The following SYT9 variants were observed in gnomAD, a reference collection of about 807,000 sequenced individuals.
SYT9 encodes the protein synaptotagmin-9.
SYT9 carries 22 observed loss-of-function variants against 48.4 expected under a neutral mutation model. The ratio of observed to expected loss-of-function variants is 0.45; its 90% CI spans 0.32 to 0.65. The LOEUF (loss-of-function observed/expected upper bound fraction) is 0.65. SYT9 is among the 30% of genes least tolerant of loss of function. The pLI is 0.03. For missense variants in SYT9, 577 were observed against 622.0 expected, an observed-to-expected ratio of 0.93 and a Z score of 0.77; for synonymous variants, 265 against 245.0, an observed-to-expected ratio of 1.08 and a Z score of -0.76.
rs80276069 is a variant in SYT9, at chr11:7,239,101, T to C, written c.49+185T>C. ...CCAGGATATTCTTTCATACATTTTG[T>C]TTAAACTATCTAGTGAGCTCTCTTA... On this transcript the variant is annotated intron_variant and NMD_transcript_variant, in intron 1 of 8. Transcript: ENST00000524820. Among the ~76,000 whole-genome samples the C allele has an allele frequency of 2.0e-4, 31 of 152,262 alleles. No individual in the cohort carries two copies. In the East Asian group the frequency reaches 5.8e-3, roughly 28 times the overall value.
At chr11:7,260,188 A>G (rs1848052233) in intron 1 of SYT9, among the ~76,000 whole-genome samples, 1 of 152,198 alleles carries the variant, frequency 6.6e-6, no homozygotes, top group South Asian at 2.1e-4. Context: ...TACTGCCTCT[A>G]TGGAATTGAC....
intron 6 of SYT9, among the ~76,000 whole-genome samples, chr11:7,442,907 A>C (rs530722576): frequency 6.6e-6 from 1 of 152,202 alleles, no homozygotes; most frequent in East Asian, 1.9e-4. Flanking sequence ...GACACTGAGG[A>C]TTCAGTGATA....
chr11:7,403,462 G>A (rs1030718589), intron 3 of SYT9, among the ~76,000 whole-genome samples: 3 of 152,118 alleles, frequency 2.0e-5, no homozygotes, highest in East Asian at 1.9e-4. Context: ...TAAGGTGGGA[G>A]GATCTCTTGA....
intron 1 of SYT9, among the ~76,000 whole-genome samples, chr11:7,275,413 A>C (rs1188586036): frequency 1.3e-5 from 2 of 152,200 alleles, no homozygotes; most frequent in African/African-American, 4.8e-5. Flanking sequence ...AGTGGTTGGA[A>C]TCCTGCTGTG....
chr11:7,433,177 T>C (rs573648849), intron 6 of SYT9, among the ~76,000 whole-genome samples: 2 of 152,266 alleles, frequency 1.3e-5, no homozygotes, highest in East Asian at 3.9e-4. Flanking sequence ...CTATTTGCCT[T>C]CTGCCATAAG....
chr11:7,286,671 G>T (rs987066377), intron 1 of SYT9, among the ~76,000 whole-genome samples: 1 of 151,996 alleles, frequency 6.6e-6, no homozygotes, highest in South Asian at 2.1e-4. Flanking sequence ...TGAACACTTC[G>T]CCACTTAGAT....
At chr11:7,324,240 C>A (rs1589945750) in intron 3 of SYT9, among the ~76,000 whole-genome samples, 1 of 151,612 alleles carries the variant, frequency 6.6e-6, no homozygotes, top group East Asian at 1.9e-4. Flanking sequence ...CTTCTTATTT[C>A]TGCCTTATTT....
intron 3 of SYT9, among the ~76,000 whole-genome samples, chr11:7,399,861 G>A (rs1176052185): frequency 7.7e-6 from 1 of 129,260 alleles, no homozygotes; most frequent in Middle Eastern, 3.5e-3. Context: ...AACAAAAAAT[G>A]CATGGATCAT....
At chr11:7,280,679 C>T (rs899236650) in intron 1 of SYT9, among the ~76,000 whole-genome samples, 6 of 152,056 alleles carry the variant, frequency 3.9e-5, no homozygotes, top group Admixed American at 1.3e-4. Context: ...TATTGCTGAC[C>T]GTGGAGCTGG....
At chr11:7,336,581 A>T (rs1203378769) in intron 3 of SYT9, among the ~76,000 whole-genome samples, 12 of 152,172 alleles carry the variant, frequency 7.9e-5, no homozygotes, top group Admixed American at 7.9e-4. Context: ...TCCCAGCACC[A>T]TTTATTGAAT....
chr11:7,421,939 C>T (rs959375703), intron 6 of SYT9, among the ~76,000 whole-genome samples: 2 of 152,202 alleles, frequency 1.3e-5, no homozygotes, highest in Non-Finnish European at 2.9e-5. Context: ...AGCATCTCTC[C>T]TTCATGCTCT....
intron 6 of SYT9, among the ~76,000 whole-genome samples, chr11:7,459,939 C>T (rs936047834): frequency 6.6e-6 from 1 of 152,196 alleles, no homozygotes; most frequent in African/African-American, 2.4e-5. Flanking sequence ...CTTCTAGCCT[C>T]TAGAACTGTG....
At chr11:7,348,973 G>T (rs1358097182) in intron 3 of SYT9, among the ~76,000 whole-genome samples, 2 of 151,952 alleles carry the variant, frequency 1.3e-5, no homozygotes, top group African/African-American at 4.8e-5. Context: ...GGCGGGCTGG[G>T]GGTGGGAAGA....
At chr11:7,394,830 A>G (rs1846715941) in intron 3 of SYT9, among the ~76,000 whole-genome samples, 1 of 151,520 alleles carries the variant, frequency 6.6e-6, no homozygotes, top group South Asian at 2.1e-4. Flanking sequence ...TGTAAACTTT[A>G]CTCTTAACAC....
intron 5 of SYT9, among the ~76,000 whole-genome samples, chr11:7,420,126 T>C (rs1169330030): frequency 6.6e-6 from 1 of 152,170 alleles, no homozygotes; most frequent in Non-Finnish European, 1.5e-5. Flanking sequence ...CCCTCACCCA[T>C]GCTTGGTTGC....
intron 1 of SYT9, among the ~76,000 whole-genome samples, chr11:7,271,133 A>G (rs554219920): frequency 1.3e-5 from 2 of 152,272 alleles, no homozygotes; most frequent in South Asian, 4.1e-4. Context: ...TTATTGTTAT[A>G]GAAGTTTGGG....
At chr11:7,272,156 A>T (rs1475165501) in intron 1 of SYT9, among the ~76,000 whole-genome samples, 1 of 152,142 alleles carries the variant, frequency 6.6e-6, no homozygotes, top group Non-Finnish European at 1.5e-5. Flanking sequence ...TAATTTTCTT[A>T]TCTGCAAAAT....
At chr11:7,355,089 C>T (rs1001106395) in intron 3 of SYT9, among the ~76,000 whole-genome samples, 2 of 152,180 alleles carry the variant, frequency 1.3e-5, no homozygotes, top group African/African-American at 2.4e-5. Context: ...GATAAAAGTA[C>T]GTTTCCATAG....
chr11:7,269,054 T>C (rs7946753), intron 1 of SYT9, among the ~76,000 whole-genome samples: 91,067 of 151,934 alleles, frequency 0.6, 28,191 homozygotes, highest in East Asian at 0.74. Flanking sequence ...GCACGTGTCA[T>C]TAGTTCTTTC....
Sources: allele counts gnomAD v4.1 joint callset (sites outside exome capture counted in the v4.1 genomes callset), GRCh38; gene constraint gnomAD v4.1.1; transcripts MANE v1.5; gene names NCBI Gene and HGNC (gene_info 2026-07-23, HGNC 2026-07-21).